The following GLDN variants were observed in gnomAD, a reference collection of about 807,000 sequenced individuals.
GLDN encodes gliomedin.
A neutral mutation model predicts 56.5 loss-of-function variants in GLDN; 47 were observed. That is an observed-to-expected ratio of 0.83 (90% confidence interval 0.66 to 1.06). The LOEUF (loss-of-function observed/expected upper bound fraction) is 1.06. GLDN is among the 50% of genes least tolerant of loss of function. GLDN has a pLI of 0.00. For synonymous variants in GLDN, 332 were observed against 278.8 expected (o/e 1.19, Z -1.90); for missense variants, 782 against 714.3 (o/e 1.09, Z -1.08).
chr15:51,359,062 G>T (rs1309077185), intron 1 of GLDN, among the ~76,000 whole-genome samples: 1 of 152,076 alleles, frequency 6.6e-6, no homozygotes, highest in Non-Finnish European at 1.5e-5. Flanking sequence ...CACTAGTAAG[G>T]ACTCTCCTTT....
chr15:51,394,694 G>A, intron 4 of GLDN, 141 bp from the exon 5 acceptor site: 1 of 724,828 alleles, frequency 1.4e-6, no homozygotes. Context: ...TGGTCACACT[G>A]CTGCTCTAAA....
intron 1 of GLDN, among the ~76,000 whole-genome samples, chr15:51,348,768 C>T (rs1470948994): frequency 2.6e-5 from 4 of 152,132 alleles, no homozygotes; most frequent in African/African-American, 9.7e-5. Context: ...GGCCAAACAA[C>T]ACTCACATTG....
chr15:51,388,830 C>A (rs1309993880), intron 4 of GLDN, among the ~76,000 whole-genome samples: 1 of 152,188 alleles, frequency 6.6e-6, no homozygotes, highest in Non-Finnish European at 1.5e-5. Context: ...GAAGCCTGGG[C>A]CCTGAGCGCT....
chr15:51,377,535 C>G (rs368811988), intron 2 of GLDN, 35 bp downstream of exon 2: 1 of 1,588,722 alleles, frequency 6.3e-7, no homozygotes, highest in Admixed American at 1.7e-5. Context: ...GCTCACACAA[C>G]AAGGACTTGT....
chr15:51,354,816 G>A (rs1331199368), intron 1 of GLDN, among the ~76,000 whole-genome samples: 1 of 152,184 alleles, frequency 6.6e-6, no homozygotes, highest in East Asian at 1.9e-4. Context: ...AGTCATAAAG[G>A]CTGTGGTTTT....
chr15:51,396,125 C>T (rs2038123113), intron 5 of GLDN, among the ~76,000 whole-genome samples: 1 of 152,200 alleles, frequency 6.6e-6, no homozygotes, highest in African/African-American at 2.4e-5. Flanking sequence ...CATCAGCCCC[C>T]TCCCCTTAAC....
At chr15:51,357,482 G>A (rs967227343) in intron 1 of GLDN, among the ~76,000 whole-genome samples, 5 of 152,114 alleles carry the variant, frequency 3.3e-5, no homozygotes, top group Non-Finnish European at 5.9e-5. Flanking sequence ...GGCACCTGTC[G>A]GCCATTTAAA....
At chr15:51,408,908 C>A (rs538504311), downstream of GLDN, among the ~76,000 whole-genome samples, 5 of 151,902 alleles carry the variant, frequency 3.3e-5, no homozygotes, top group Non-Finnish European at 7.4e-5. Context: ...ATATGTGCCA[C>A]ATTTTCTTAA....
chr15:51,355,740 G>A lies in GLDN; in HGVS notation c.363+13693G>A, dbSNP rs2037166636. On this transcript the variant is annotated intron_variant, in intron 1 of 9. Transcript: ENST00000335449. ...GGGTTTCACCGTGTTAGCCGGGATG[G>A]TCTTGATCTCCTGACTTTGTGATCT... 2.0e-5 allele frequency among the ~76,000 whole-genome samples: 3 copies of A among 149,524 alleles called. No homozygotes were observed. The South Asian group carries it at 6.4e-4, about 32-fold the overall frequency.
At chr15:51,384,115 T>C (rs76885328) in intron 4 of GLDN, 2 of 566,582 alleles carry the variant, frequency 3.5e-6, no homozygotes, top group Non-Finnish European at 3.2e-6. Context: ...AGCCGTCTCC[T>C]GGGAACTGAC....
chr15:51,365,250 A>C (rs1023427225), intron 1 of GLDN, among the ~76,000 whole-genome samples: 2 of 151,622 alleles, frequency 1.3e-5, no homozygotes, highest in African/African-American at 4.8e-5. Flanking sequence ...TTGTTATTTA[A>C]ATTTTTTTCA....
intron 1 of GLDN, among the ~76,000 whole-genome samples, chr15:51,360,794 G>A (rs963878263): frequency 2.0e-5 from 3 of 152,176 alleles, no homozygotes; most frequent in African/African-American, 7.2e-5. Context: ...CTAAAGCAGG[G>A]GCCATTATAT....
At chr15:51,400,540 G>C (rs759560192) in intron 8 of GLDN, 42 bp downstream of exon 8, 29 of 1,591,896 alleles carry the variant, frequency 1.8e-5, no homozygotes, top group Non-Finnish European at 2.4e-5. Flanking sequence ...TGTGGTAACT[G>C]TATTTTTCAT....
intron 4 of GLDN, among the ~76,000 whole-genome samples, chr15:51,390,626 T>A (rs1045414573): frequency 7.9e-5 from 12 of 152,126 alleles, no homozygotes; most frequent in Non-Finnish European, 4.4e-5. Flanking sequence ...CTGGCCCCTT[T>A]CCCCCGCCTT....
At chr15:51,355,151 T>C (rs1373239002) in intron 1 of GLDN, among the ~76,000 whole-genome samples, 2 of 152,192 alleles carry the variant, frequency 1.3e-5, no homozygotes, top group South Asian at 2.1e-4. Flanking sequence ...GCAAGCTTAT[T>C]AGAAAAGTAA....
intron 9 of GLDN, among the ~76,000 whole-genome samples, chr15:51,403,351 C>T (rs2038297975): frequency 6.6e-6 from 1 of 152,166 alleles, no homozygotes; most frequent in Non-Finnish European, 1.5e-5. Flanking sequence ...CTTCCCAAGC[C>T]TCACTATTCT....
At chr15:51,360,534 C>G (rs1473215927) in intron 1 of GLDN, 3 of 152,316 alleles carry the variant, frequency 2.0e-5, no homozygotes, top group African/African-American at 7.2e-5. Context: ...ACAGAGAGCC[C>G]CAGGTAAGTT....
chr15:51,377,281 G>C (rs1328817935), intron 1 of GLDN, 168 bp from the exon 2 acceptor site: 1 of 586,588 alleles, frequency 1.7e-6, no homozygotes, highest in Admixed American at 3.2e-5. Context: ...ATTCGTTGTT[G>C]ACTGCAGCAT....
intron 2 of GLDN, among the ~76,000 whole-genome samples, chr15:51,380,063 G>A (rs2037723555): frequency 6.6e-6 from 1 of 152,114 alleles, no homozygotes; most frequent in Admixed American, 6.5e-5. Flanking sequence ...GTGGAAGGTG[G>A]CAGAAGTTAC....
Sources: gnomAD v4.1 joint callset for allele counts (sites outside exome capture counted in the v4.1 genomes callset) on GRCh38, gnomAD v4.1.1 for gene constraint, MANE v1.5 for transcripts, NCBI Gene and HGNC (gene_info 2026-07-23, HGNC 2026-07-21) for gene names.